LRRC43: variants seen among roughly 807,000 people sequenced by gnomAD.
LRRC43 encodes leucine rich repeat containing 43.
Under a neutral mutation model 64.3 loss-of-function variants are expected in LRRC43, and 62 were observed. The ratio of observed to expected loss-of-function variants is 0.96; its 90% CI spans 0.79 to 1.19. LRRC43 has a LOEUF of 1.19. LRRC43 is among the 50% of genes most tolerant of loss of function. The pLI is 0.00. For missense variants in LRRC43, 868 were observed against 845.0 expected (o/e 1.03, Z -0.34); for synonymous variants, 422 against 382.3 (o/e 1.10, Z -1.21).
At chr12:122,181,795 G>A (rs1411440029), upstream of LRRC43, among the ~76,000 whole-genome samples, 5 of 150,546 alleles carry the variant, frequency 3.3e-5, no homozygotes, top group African/African-American at 1.2e-4. Flanking sequence ...TAGTAGAGAC[G>A]GGGTTTCACC....
At position 122,183,223 on chromosome 12, in the gene LRRC43, G is replaced by A. The variant is rs1393933481; in HGVS notation, c.79G>A (p.Val27Met). The stretch of plus-strand genomic sequence containing the variant: ...GACTCAGCGGCCCGGGACCGGGACC[G>A]TGAGCGCGGCCGTGCGCGAGCACTT... ...PGTQRPGTGT[V>M]SAAVREHLRK... The change falls in exon 1 of 12, where the codon GTG (valine) becomes ATG (methionine). Residue 27 changes from valine (V) to methionine (M), a missense_variant. Coordinates refer to ENST00000339777, the MANE Select transcript of LRRC43 (RefSeq NM_001098519.2). 1.9e-6 allele frequency: 3 copies of A among 1,567,082 alleles called. No individual in the cohort carries two copies. Among genetic ancestry groups the A allele is most frequent in the South Asian group, 1.1e-5 (1 of 87,006 alleles).
Position 122,184,679 on chromosome 12 carries a change from A to G in LRRC43, c.311A>G (p.Glu104Gly). The change falls in exon 2 of 12, where the codon GAA becomes GGA. Residue 104 changes from glutamate (E) to glycine (G), a missense_variant. Glu to Gly is a moderately conservative substitution (Grantham distance 98). Transcript: ENST00000339777. The surrounding 1 kb of genome is among the most constrained non-coding windows in gnomAD (Gnocchi z 4.0). The stretch of plus-strand genomic sequence containing the variant: ...GCTCTGCTGAACAACTCGAATGCAG[A>G]AGACAGTTTCCTGAGAGAATTGGCC... ...PWALLNNSNA[E>G]DSFLRELAIR... The G allele has an allele frequency of 1.9e-6, 3 of 1,614,004 alleles. No individual in the cohort carries two copies. The highest frequency in any genetic ancestry group is 1.7e-5 in the Admixed American group (1 of 60,022).
intron 1 of LRRC43, among the ~76,000 whole-genome samples, chr12:122,177,376 C>T (rs1316579150): frequency 2.0e-5 from 3 of 152,066 alleles, no homozygotes; most frequent in Admixed American, 2.0e-4. Context: ...AGATGAGAAC[C>T]CTAGCCAGCC....
At chr12:122,175,505 TC>T (rs961646553) in intron 1 of LRRC43, among the ~76,000 whole-genome samples, 6 of 144,416 alleles carry the variant, frequency 4.2e-5, no homozygotes, top group African/African-American at 1.3e-4. Flanking sequence ...TCTTTTTCTT[TC>T]TTTTTTTTTT....
At position 122,186,291 on chromosome 12, in the gene LRRC43, C is replaced by G; in HGVS notation, c.513C>G (p.Pro171=). 1 of 1,595,944 alleles carries G rather than the reference C, an allele frequency of 6.3e-7. No individual in the cohort carries two copies. Among genetic ancestry groups the G allele is most frequent in the Non-Finnish European group, 8.5e-7 (1 of 1,170,852 alleles). The part of the protein sequence containing the change: ...IKEVDATNLP[P]TLKVLELYGN... ...AGGTGGATGCCACCAATCTGCCCCCCACACTCAAGGTGAAGGAGCCCCGGT... is the reference window on the plus strand; with the variant it reads ...AGGTGGATGCCACCAATCTGCCCCCGACACTCAAGGTGAAGGAGCCCCGGT... The change falls in exon 3 of 12, where the codon CCC becomes CCG. Residue 171 remains proline (P), a synonymous_variant. Coordinates refer to ENST00000339777, the MANE Select transcript of LRRC43 (RefSeq NM_001098519.2).
At chr12:122,178,792 A>G (rs1953558846), upstream of LRRC43, among the ~76,000 whole-genome samples, 1 of 151,534 alleles carries the variant, frequency 6.6e-6, no homozygotes, top group African/African-American at 2.4e-5. Flanking sequence ...TATTTTTAGT[A>G]GAGATGGGGT....
At chr12:122,186,600 A>G (rs956509465) in intron 3 of LRRC43, among the ~76,000 whole-genome samples, 5 of 152,224 alleles carry the variant, frequency 3.3e-5, no homozygotes, top group Admixed American at 3.3e-4. Context: ...TCAAGGGTCT[A>G]TAAACAGATG....
At chr12:122,190,394 G>C (rs777288860) in intron 5 of LRRC43, 26 bp downstream of exon 5, 10 of 1,583,866 alleles carry the variant, frequency 6.3e-6, no homozygotes, top group African/African-American at 1.3e-5. Flanking sequence ...TGCAGGGAGG[G>C]GGTGGCATGT....
At chr12:122,189,530 T>C (rs1229135191) in intron 4 of LRRC43, 12 of 455,676 alleles carry the variant, frequency 2.6e-5, no homozygotes, top group Non-Finnish European at 5.3e-5. Context: ...AAAGTCACCC[T>C]GCCCCTGCCC....
At position 122,168,216 on chromosome 12, in the gene LRRC43, G is replaced by A. The variant is rs1358829010; in HGVS notation, c.-406+434G>A. Among the ~76,000 whole-genome samples, 9 of 151,048 alleles carry A rather than the reference G, an allele frequency of 6.0e-5. No individual in the cohort carries two copies. In the South Asian group the frequency reaches 1.5e-3, roughly 25 times the overall value. On this transcript the variant is annotated intron_variant, in intron 1 of 5. Transcript: ENST00000537729. ...AGCACTTTGGGAGGCCAAGGTGGGCGGATCACTCAAGGTCAGGAGTTTGAG... is the reference window on the plus strand; with the variant it reads ...AGCACTTTGGGAGGCCAAGGTGGGCAGATCACTCAAGGTCAGGAGTTTGAG...
intron 11 of LRRC43, among the ~76,000 whole-genome samples, chr12:122,201,570 G>C (rs562194259): frequency 6.6e-6 from 1 of 152,368 alleles, no homozygotes; most frequent in Non-Finnish European, 1.5e-5. Context: ...AGCGGGGCAA[G>C]AGCTTGGAGC....
In LRRC43 at chr12:122,203,352, T is replaced by C. The variant is rs774099983; in HGVS notation, c.1881T>C (p.Asp627=). The C allele has an allele frequency of 6.2e-7, 1 of 1,613,384 alleles. No individual in the cohort carries two copies. The highest frequency in any genetic ancestry group is 1.1e-5 in the South Asian group (1 of 91,014). ...CCGTGATTCCGATCTACGAAGGCGATTACCACCCTGAGCCCCTGACCGTAG... is the reference window on the plus strand; with the variant it reads ...CCGTGATTCCGATCTACGAAGGCGACTACCACCCTGAGCCCCTGACCGTAG... The part of the protein sequence containing the change: ...PKAVIPIYEG[D]YHPEPLTVEV... The change falls in exon 12 of 12, where the codon GAT becomes GAC. Residue 627 remains aspartate, a synonymous_variant. Transcript: ENST00000339777.
At chr12:122,174,166 AG>A (rs766861361) in intron 1 of LRRC43, 1 of 1,614,154 alleles carries the variant, frequency 6.2e-7, no homozygotes, top group Non-Finnish European at 8.5e-7. Context: ...CCTGAGTGAG[AG>A]GCCATGGCGA....
chr12:122,174,109 G>A (rs1439646047), intron 1 of LRRC43: 3 of 1,613,912 alleles, frequency 1.9e-6, no homozygotes, highest in Admixed American at 3.3e-5. Context: ...TCTTCCTGGT[G>A]AGATAAGATG....
At chr12:122,193,381 T>TAAAA (rs34910328) in intron 7 of LRRC43, among the ~76,000 whole-genome samples, 6,745 of 47,208 alleles carry the variant, frequency 0.14, 979 homozygotes, top group Non-Finnish European at 0.2. Context: ...CTCCGTCTCA[T>TAAAA]AAAAAAAAAA....
chr12:122,178,433 T>C (rs1953555449), upstream of LRRC43, among the ~76,000 whole-genome samples: 1 of 152,112 alleles, frequency 6.6e-6, no homozygotes, highest in Admixed American at 6.6e-5. Flanking sequence ...ACTCCAGACC[T>C]AAATGTCCAC....
Position 122,184,380 on chromosome 12 carries a change from C to T in LRRC43, c.151-139C>T. 9.1e-7 allele frequency: 1 copy of T among 1,095,424 alleles called. No homozygotes were observed. Among genetic ancestry groups the T allele is most frequent in the Non-Finnish European group, 1.3e-6 (1 of 783,632 alleles). The allele number at this position is 1,095,424 out of a possible 1,614,324, so 67.9% of individuals were successfully genotyped here. A position where few individuals can be genotyped will look rare whatever the true frequency, so the allele number is the denominator to read the frequency against. ...AAGTGCTGGGATTACAGGCATGAGC[C>T]ACCGCACCTGGCCTACTCTCTAGAT... On this transcript the variant is annotated intron_variant, in intron 1 of 11. Coordinates refer to ENST00000339777, the MANE Select transcript of LRRC43 (RefSeq NM_001098519.2). The surrounding 1 kb of genome is among the most constrained non-coding windows in gnomAD (Gnocchi z 4.0).
intron 7 of LRRC43, among the ~76,000 whole-genome samples, chr12:122,194,026 C>T (rs920014589): frequency 7.9e-5 from 12 of 152,096 alleles, no homozygotes; most frequent in African/African-American, 2.9e-4. Context: ...TCTTTCTTGC[C>T]AGTCTAGCTC....
At chr12:122,193,999 C>T (rs905890389) in intron 7 of LRRC43, among the ~76,000 whole-genome samples, 1 of 152,176 alleles carries the variant, frequency 6.6e-6, no homozygotes, top group African/African-American at 2.4e-5. Context: ...AAGGATCTTC[C>T]ATCCTGTATA....
Sources: gnomAD v4.1 joint callset for allele counts (sites outside exome capture counted in the v4.1 genomes callset) on GRCh38, gnomAD v4.1.1 for gene constraint, Gnocchi (gnomAD v3.1) non-coding constraint, MANE v1.5 for transcripts, NCBI Gene and HGNC (gene_info 2026-07-23, HGNC 2026-07-21) for gene names.